CACNG5: variants seen among roughly 807,000 people sequenced by gnomAD.
CACNG5 encodes the protein voltage-dependent calcium channel gamma-5 subunit.
Under a neutral mutation model 24.8 loss-of-function variants are expected in CACNG5, and 18 were observed. The ratio of observed to expected loss-of-function variants is 0.73; its 90% CI spans 0.50 to 1.08. The LOEUF (loss-of-function observed/expected upper bound fraction) is 1.08, where lower values mean the gene tolerates loss of function less well. Among genes scored for constraint, CACNG5 ranks in the 50% least tolerant of loss-of-function variants. The pLI, the probability that CACNG5 is intolerant of heterozygous loss-of-function variation, is 0.00. For synonymous variants in CACNG5, 157 were observed against 149.1 expected, an observed-to-expected ratio of 1.05 and a Z score of -0.39; for missense variants, 349 against 367.9, an observed-to-expected ratio of 0.95 and a Z score of 0.42.
chr17:66,866,086 A>C (rs1976925949), intron 1 of CACNG5, among the ~76,000 whole-genome samples: 1 of 152,204 alleles, frequency 6.6e-6, no homozygotes, highest in Non-Finnish European at 1.5e-5. Flanking sequence ...TATTTACTGT[A>C]GATTACAATA....
chr17:66,835,414 G>A (rs981873888), intron 1 of CACNG5, among the ~76,000 whole-genome samples, 164 bp downstream of exon 1: 1 of 152,198 alleles, frequency 6.6e-6, no homozygotes, highest in Non-Finnish European at 1.5e-5. Context: ...CCCTGGAAGG[G>A]GCAGTGTGGT....
Position 66,889,198 on chromosome 17 carries a change from T to C in CACNG5, c.*3958T>C, listed in dbSNP as rs1977306689. Reference sequence around the variant, plus strand: ...TTGGTCTTGAACTCCTGACCTCAAGTGATCCACCTGCCTTGGCCTCCCAAA... The same window carrying C: ...TTGGTCTTGAACTCCTGACCTCAAGCGATCCACCTGCCTTGGCCTCCCAAA... On this transcript the variant is annotated 3_prime_UTR_variant, in exon 6 of 6. Coordinates refer to ENST00000533854, the MANE Select transcript of CACNG5 (RefSeq NM_145811.3). Among the ~76,000 whole-genome samples, 2 of 152,320 alleles carry C rather than the reference T, an allele frequency of 1.3e-5. No homozygotes were observed. Among genetic ancestry groups the C allele is most frequent in the South Asian group, 4.1e-4 (2 of 4,822 alleles).
chr17:66,848,996 G>A (rs1240656370), intron 1 of CACNG5, among the ~76,000 whole-genome samples: 3 of 152,110 alleles, frequency 2.0e-5, no homozygotes, highest in Non-Finnish European at 2.9e-5. Context: ...ATAGGCTGCC[G>A]CCGTGTGCAT....
chr17:66,884,457 C>G, intron 4 of CACNG5, 59 bp from the exon 5 acceptor site: 2 of 1,538,146 alleles, frequency 1.3e-6, no homozygotes, highest in Non-Finnish European at 1.7e-6. Context: ...TGGGTGCCAC[C>G]TCAGCAAACT....
At chr17:66,865,796 ATTT>A (rs35187215) in intron 1 of CACNG5, among the ~76,000 whole-genome samples, 2 of 129,838 alleles carry the variant, frequency 1.5e-5, no homozygotes, top group Admixed American at 8.1e-5. Flanking sequence ...TGCACGGCTA[ATTT>A]TTTTTTTTTT....
chr17:66,890,182 C>T lies in CACNG5; in HGVS notation c.*4942C>T, dbSNP rs559075634. On this transcript the variant is annotated 3_prime_UTR_variant, in exon 6 of 6. Transcript: ENST00000533854. ...GGATGAGTGGATTCTGTCTAATGCA[C>T]CTGTGCCTGAGGCCCGGCTAGCACT... is the stretch of plus-strand genomic sequence containing the variant. 5.9e-5 allele frequency among the ~76,000 whole-genome samples: 9 copies of T among 152,342 alleles called. No homozygotes were observed. The highest frequency in any genetic ancestry group is 4.6e-4 in the Admixed American group (7 of 15,302).
rs1314782122 is a variant in CACNG5 at position 66,888,713 on chromosome 17, A to G, written c.*3473A>G. 1.3e-5 allele frequency among the ~76,000 whole-genome samples: 2 copies of G among 152,146 alleles called. No individual in the cohort carries two copies. Among genetic ancestry groups the G allele is most frequent in the Non-Finnish European group, 2.9e-5 (2 of 68,034 alleles). On this transcript the variant is annotated 3_prime_UTR_variant, in exon 6 of 6. Coordinates refer to ENST00000533854, the MANE Select transcript of CACNG5 (RefSeq NM_145811.3). ...GACCAAGAGTATTTATTGGTGAGAC[A>G]GCTTGGAATGTTTCTGTGTGTGGGA...
chr17:66,841,593 G>T (rs1976569251), intron 1 of CACNG5, among the ~76,000 whole-genome samples: 1 of 152,122 alleles, frequency 6.6e-6, no homozygotes, highest in African/African-American at 2.4e-5. Context: ...AGCCGGGCAG[G>T]ACAGCAGAGA....
At chr17:66,848,699 C>T (rs937867134) in intron 1 of CACNG5, among the ~76,000 whole-genome samples, 2 of 152,176 alleles carry the variant, frequency 1.3e-5, no homozygotes, top group African/African-American at 4.8e-5. Context: ...CTGCTCCCCT[C>T]CTTGGACCTT....
At chr17:66,846,327 C>T (rs75611841) in intron 1 of CACNG5, among the ~76,000 whole-genome samples, 4,329 of 152,254 alleles carry the variant, frequency 0.028, 215 homozygotes, top group East Asian at 0.13. Context: ...TGTTGTGCAA[C>T]TCTCAGCATT....
rs115325395 is a variant in CACNG5, at chr17:66,877,552, C to T, written c.196+24C>T. ...AGGTAAGGGTGCCCAGGGTTGGGGA[C>T]AGCCCTGCCCCCTGACATCACCTGC... is the stretch of plus-strand genomic sequence containing the variant. On this transcript the variant is annotated intron_variant, in intron 2 of 5. Transcript: ENST00000533854. 1,121 of 1,599,252 alleles carry T rather than the reference C, an allele frequency of 7.0e-4. 6 individuals are homozygous for T. In the African/African-American group the frequency reaches 0.013, roughly 18 times the overall value.
At chr17:66,864,199 A>G (rs531524874) in intron 1 of CACNG5, among the ~76,000 whole-genome samples, 1 of 152,208 alleles carries the variant, frequency 6.6e-6, no homozygotes, top group Non-Finnish European at 1.5e-5. Context: ...TGATTTGAAG[A>G]TGAGTTTCAG....
rs529969730 is a variant in CACNG5 at position 66,866,159 on chromosome 17, A to G, written c.-103-11071A>G. On this transcript the variant is annotated intron_variant, in intron 1 of 5. Coordinates refer to ENST00000533854, the MANE Select transcript of CACNG5 (RefSeq NM_145811.3). ...GAGAAATGGCTACATCAATTTTGGT[A>G]TATGCAAATCAGAGACTATATATAT... Among the ~76,000 whole-genome samples the G allele has an allele frequency of 3.9e-5, 6 of 152,308 alleles. 1 individual carries two copies. The highest frequency in any genetic ancestry group is 2.1e-4 in the South Asian group (1 of 4,828).
rs1196552858 is a variant in CACNG5 at position 66,885,758 on chromosome 17, G to T, written c.*518G>T. 6.6e-6 allele frequency among the ~76,000 whole-genome samples: 1 copy of T among 152,206 alleles called. No individual in the cohort carries two copies. Among genetic ancestry groups the T allele is most frequent in the African/African-American group, 2.4e-5 (1 of 41,444 alleles). On this transcript the variant is annotated 3_prime_UTR_variant, in exon 6 of 6. Coordinates refer to ENST00000533854, the MANE Select transcript of CACNG5 (RefSeq NM_145811.3). ...CTGACTTAGACATGTCAAGCTGTCA[G>T]TGTTCCTTCTGAACTCCTTTCTCCT...
intron 1 of CACNG5, among the ~76,000 whole-genome samples, chr17:66,860,220 C>A (rs1976834477): frequency 6.6e-6 from 1 of 152,138 alleles, no homozygotes; most frequent in African/African-American, 2.4e-5. Context: ...GTTCAAATCC[C>A]AGCTCCCCCA....
At chr17:66,838,394 C>T (rs1209876514) in intron 1 of CACNG5, among the ~76,000 whole-genome samples, 1 of 151,076 alleles carries the variant, frequency 6.6e-6, no homozygotes, top group East Asian at 2.0e-4. Flanking sequence ...CTGAGTTTTC[C>T]AGTGTGGGAG....
At position 66,885,051 on chromosome 17, in the gene CACNG5, C is replaced by T. The variant is rs1977235796; in HGVS notation, c.639C>T (p.His213=). The T allele has an allele frequency of 1.9e-6, 3 of 1,614,188 alleles. No individual in the cohort carries two copies. Among genetic ancestry groups the T allele is most frequent in the East Asian group, 2.2e-5 (1 of 44,878 alleles). The change falls in exon 6 of 6, where the codon CAC becomes CAT. Residue 213 remains histidine, a synonymous_variant. Transcript: ENST00000533854. ...RYTAEDMYRP[H]PGFYRPRLSN... ...CCGCGGAGGACATGTACAGGCCCCACCCTGGCTTCTACCGCCCTCGGCTGA... is the reference window on the plus strand; with the variant it reads ...CCGCGGAGGACATGTACAGGCCCCATCCTGGCTTCTACCGCCCTCGGCTGA...
At position 66,888,314 on chromosome 17, in the gene CACNG5, G is replaced by A. The variant is rs1324725572; in HGVS notation, c.*3074G>A. Among the ~76,000 whole-genome samples the A allele has an allele frequency of 1.3e-5, 2 of 151,490 alleles. No individual in the cohort carries two copies. The highest frequency in any genetic ancestry group is 2.9e-5 in the Non-Finnish European group (2 of 67,898). ...AATCCCAGCACTTTGGGAGGCCGAG[G>A]CAGGCAGATCACTAGGTCAGGAGAT... On this transcript the variant is annotated 3_prime_UTR_variant, in exon 6 of 6. Coordinates refer to ENST00000533854, the MANE Select transcript of CACNG5 (RefSeq NM_145811.3).
chr17:66,862,955 G>C (rs1354680653), intron 1 of CACNG5, among the ~76,000 whole-genome samples: 1 of 145,118 alleles, frequency 6.9e-6, no homozygotes. Context: ...TCTCAGAAGG[G>C]GTTTACCAGT....
Sources: gnomAD v4.1 joint callset for allele counts (sites outside exome capture counted in the v4.1 genomes callset) on GRCh38, gnomAD v4.1.1 for gene constraint, MANE v1.5 for transcripts, NCBI Gene and HGNC (gene_info 2026-07-23, HGNC 2026-07-21) for gene names.